The following PCDH15 variants were observed in gnomAD, a reference collection of about 807,000 sequenced individuals.
The protein encoded by PCDH15 is protocadherin-15.
PCDH15 carries 129 observed loss-of-function variants against 178.5 expected under a neutral mutation model. The observed-to-expected ratio is 0.72, with a 90% CI of 0.63 to 0.84. The LOEUF (loss-of-function observed/expected upper bound fraction) is 0.84. Ranked by LOEUF, PCDH15 falls within the 40% of genes least tolerant of loss-of-function variation. PCDH15 has a pLI of 0.00. For synonymous variants in PCDH15, 800 were observed against 732.0 expected (o/e 1.09, Z -1.50); for missense variants, 2,230 against 2,099.9 (o/e 1.06, Z -1.21).
chr10:54,217,345 T>G (rs1168003054), intron 9 of PCDH15, among the ~76,000 whole-genome samples: 1 of 152,104 alleles, frequency 6.6e-6, no homozygotes, highest in African/African-American at 2.4e-5. Flanking sequence ...ACACCCACAG[T>G]GTAATATAGG....
intron 1 of PCDH15, among the ~76,000 whole-genome samples, chr10:55,262,355 T>C (rs915638067): frequency 6.6e-6 from 1 of 151,960 alleles, no homozygotes; most frequent in African/African-American, 2.4e-5. Context: ...ACGACAGGCA[T>C]TTCTGTTTTT....
chr10:54,978,786 G>C (rs760938763), intron 2 of PCDH15, among the ~76,000 whole-genome samples: 4 of 151,944 alleles, frequency 2.6e-5, no homozygotes, highest in Non-Finnish European at 5.9e-5. Context: ...TTTTATTTGA[G>C]ATGCTATTTA....
At chr10:54,338,775 A>G (rs1242340430) in intron 6 of PCDH15, among the ~76,000 whole-genome samples, 1 of 152,066 alleles carries the variant, frequency 6.6e-6, no homozygotes, top group Non-Finnish European at 1.5e-5. Flanking sequence ...TAAACTGGAG[A>G]CTGCTACAAG....
At chr10:55,481,785 T>C (rs905855524) in intron 2 of PCDH15, among the ~76,000 whole-genome samples, 9 of 151,736 alleles carry the variant, frequency 5.9e-5, no homozygotes, top group African/African-American at 2.4e-5. Context: ...AAGTTCCATA[T>C]GCCAATGAGA....
chr10:55,189,569 T>C (rs746368539), intron 1 of PCDH15, among the ~76,000 whole-genome samples: 5 of 151,896 alleles, frequency 3.3e-5, no homozygotes, highest in Non-Finnish European at 7.4e-5. Context: ...GATTTTGTTT[T>C]GAGGTGAGCA....
intron 2 of PCDH15, among the ~76,000 whole-genome samples, chr10:55,543,534 A>G (rs192763930): frequency 1.0e-3 from 155 of 151,654 alleles, no homozygotes; most frequent in African/African-American, 3.4e-3. Flanking sequence ...CCCTAGTCAG[A>G]AAAAATTACC....
rs2091797043 is a variant in PCDH15, at chr10:53,995,636, G to A, written c.2868+13C>T. On this transcript the variant is annotated intron_variant, in intron 21 of 37. Coordinates refer to ENST00000644397, the MANE Select transcript of PCDH15 (RefSeq NM_001384140.1). Reference sequence around the variant, plus strand: ...AGTACAGTTCAGAATATTAATCAATGCCTTCTACTTACAGGAGGGTCTGCA... The same window carrying A: ...AGTACAGTTCAGAATATTAATCAATACCTTCTACTTACAGGAGGGTCTGCA... 2.5e-6 allele frequency: 4 copies of A among 1,613,674 alleles called. No homozygotes were observed. The African/African-American group carries it at 5.3e-5, about 22-fold the overall frequency.
chr10:54,545,388 T>C (rs1246827302), intron 2 of PCDH15, among the ~76,000 whole-genome samples: 2 of 152,200 alleles, frequency 1.3e-5, no homozygotes, highest in African/African-American at 4.8e-5. Flanking sequence ...CCATGGAACT[T>C]ATAACCAAAA....
chr10:54,128,080 G>A (rs748510785), intron 15 of PCDH15, among the ~76,000 whole-genome samples: 6 of 152,014 alleles, frequency 3.9e-5, no homozygotes, highest in South Asian at 4.1e-4. Context: ...AAATGTATTC[G>A]TTAGATGAAT....
At chr10:54,791,373 T>A (rs1048551619) in intron 1 of PCDH15, among the ~76,000 whole-genome samples, 21 of 152,036 alleles carry the variant, frequency 1.4e-4, no homozygotes, top group African/African-American at 4.6e-4. Flanking sequence ...ATTCACTCAA[T>A]GGGTCACTGA....
intron 13 of PCDH15, among the ~76,000 whole-genome samples, chr10:54,178,233 T>A (rs1176504082): frequency 6.6e-6 from 1 of 152,176 alleles, no homozygotes; most frequent in Non-Finnish European, 1.5e-5. Flanking sequence ...TAATTTTATA[T>A]GATTTTAGTG....
chr10:54,755,995 C>A (rs996721307), intron 1 of PCDH15, among the ~76,000 whole-genome samples: 1 of 151,388 alleles, frequency 6.6e-6, no homozygotes, highest in Non-Finnish European at 1.5e-5. Flanking sequence ...GGGTGGATCA[C>A]CTGAGGTCAG....
chr10:54,332,405 G>A (rs1298222984), intron 6 of PCDH15, among the ~76,000 whole-genome samples: 2 of 125,328 alleles, frequency 1.6e-5, no homozygotes, highest in Non-Finnish European at 3.3e-5. Flanking sequence ...TTCTGCAGCT[G>A]AAAGCACTTT....
chr10:54,657,403 C>T (rs1036787453), intron 2 of PCDH15, among the ~76,000 whole-genome samples: 1 of 152,162 alleles, frequency 6.6e-6, no homozygotes, highest in Non-Finnish European at 1.5e-5. Flanking sequence ...AGAGAATGAG[C>T]AGGCTCTTAT....
chr10:54,541,912 TAA>T (rs2085278242), intron 2 of PCDH15, among the ~76,000 whole-genome samples: 1 of 152,200 alleles, frequency 6.6e-6, no homozygotes, highest in South Asian at 2.1e-4. Flanking sequence ...AGATTCTTAA[TAA>T]GTCTTTGTTT....
At chr10:55,309,211 A>G (rs1843512658) in intron 1 of PCDH15, among the ~76,000 whole-genome samples, 1 of 152,166 alleles carries the variant, frequency 6.6e-6, no homozygotes, top group Non-Finnish European at 1.5e-5. Context: ...TTCTCTATGT[A>G]TGACAATAAA....
intron 13 of PCDH15, among the ~76,000 whole-genome samples, chr10:54,161,802 G>C (rs1246650463): frequency 1.3e-5 from 2 of 151,918 alleles, no homozygotes; most frequent in Non-Finnish European, 2.9e-5. Context: ...CCTAATATTT[G>C]TTTTTGCACA....
chr10:54,657,954 C>A (rs2094435897), intron 2 of PCDH15, among the ~76,000 whole-genome samples: 1 of 152,006 alleles, frequency 6.6e-6, no homozygotes, highest in Non-Finnish European at 1.5e-5. Flanking sequence ...GGCAAAATAG[C>A]TATATTAGAA....
At chr10:54,380,643 G>GTGTATA (rs1355235834) in intron 3 of PCDH15, among the ~76,000 whole-genome samples, 1 of 15,294 alleles carries the variant, frequency 6.5e-5, no homozygotes, top group African/African-American at 2.1e-4. Context: ...GTGTATGCAT[G>GTGTATA]TATATATATA....
Sources: gnomAD v4.1 joint callset for allele counts (sites outside exome capture counted in the v4.1 genomes callset) on GRCh38, gnomAD v4.1.1 for gene constraint, MANE v1.5 for transcripts, NCBI Gene and HGNC (gene_info 2026-07-23, HGNC 2026-07-21) for gene names.